Variants in WWC2 observed in about 807,000 individuals in gnomAD.
WWC2 encodes the protein WW and C2 domain containing 2, also known as protein WWC2.
A neutral mutation model predicts 138.5 loss-of-function variants in WWC2; 101 were observed. The observed-to-expected ratio is 0.73, with a 90% confidence interval of 0.62 to 0.86. The LOEUF is 0.86. Ranked by LOEUF, WWC2 falls within the 40% of genes least tolerant of loss-of-function variation. WWC2 has a pLI of 0.00. For synonymous variants in WWC2, 558 were observed against 538.4 expected (o/e 1.04, Z -0.50); for missense variants, 1,420 against 1,419.4 (o/e 1.00, Z -0.01).
At chr4:183,185,670 G>T (rs1031581928) in intron 1 of WWC2, among the ~76,000 whole-genome samples, 1 of 152,002 alleles carries the variant, frequency 6.6e-6, no homozygotes, top group African/African-American at 2.4e-5. Flanking sequence ...TAGTGTGAAG[G>T]GCTATGCGGC....
At chr4:183,250,642 A>G (rs976441056) in intron 8 of WWC2, among the ~76,000 whole-genome samples, 1 of 152,154 alleles carries the variant, frequency 6.6e-6, no homozygotes, top group South Asian at 2.1e-4. Flanking sequence ...TATCTAGTAG[A>G]TAGACTCAAA....
chr4:183,103,498 T>G (rs1329605807), intron 1 of WWC2, among the ~76,000 whole-genome samples: 2 of 151,828 alleles, frequency 1.3e-5, no homozygotes, highest in Non-Finnish European at 2.9e-5. Context: ...GGCTAATTTT[T>G]TGTATTTTTA....
intron 1 of WWC2, among the ~76,000 whole-genome samples, chr4:183,115,162 A>G (rs1732373554): frequency 6.6e-6 from 1 of 152,182 alleles, no homozygotes; most frequent in South Asian, 2.1e-4. Flanking sequence ...GCTTAGGATA[A>G]TGGCCTACAG....
At chr4:183,175,989 GAC>G (rs1734457439) in intron 1 of WWC2, among the ~76,000 whole-genome samples, 2 of 152,238 alleles carry the variant, frequency 1.3e-5, no homozygotes, top group Non-Finnish European at 1.5e-5. Context: ...TCAGCCTCAT[GAC>G]TTATGCTTGC....
intron 2 of WWC2, among the ~76,000 whole-genome samples, chr4:183,204,982 C>T (rs551573224): frequency 1.3e-5 from 2 of 152,284 alleles, no homozygotes; most frequent in South Asian, 4.2e-4. Flanking sequence ...TATGGATATA[C>T]CACAGTTTGC....
At chr4:183,125,484 A>G (rs963273326) in intron 1 of WWC2, among the ~76,000 whole-genome samples, 1 of 152,220 alleles carries the variant, frequency 6.6e-6, no homozygotes, top group African/African-American at 2.4e-5. Context: ...CTTCAATTAA[A>G]TGTTTGTTTG....
intron 1 of WWC2, 87 bp from the exon 2 acceptor site, chr4:183,193,512 C>T (rs1049873948): frequency 1.8e-6 from 2 of 1,142,542 alleles, no homozygotes; most frequent in Admixed American, 2.0e-5. Context: ...TAAATGCAAC[C>T]TAGACACTTG....
rs539048430 is a variant in WWC2, at chr4:183,319,899, A to T, written c.*4170A>T. On this transcript the variant is annotated 3_prime_UTR_variant, in exon 23 of 23. Coordinates refer to ENST00000403733, the MANE Select transcript of WWC2 (RefSeq NM_024949.6). ...CTTGAGATCTCTCTGACTCTCTCCAATTCTCAAACAGTCCAGGCCAAACCC... is the reference window on the plus strand; with the variant it reads ...CTTGAGATCTCTCTGACTCTCTCCATTTCTCAAACAGTCCAGGCCAAACCC... 4.3e-6 allele frequency: 7 copies of T among 1,613,900 alleles called. No individual in the cohort carries two copies. The highest frequency in any genetic ancestry group is 5.9e-6 in the Non-Finnish European group (7 of 1,179,866).
At chr4:183,254,155 A>G (rs1265206715) in intron 9 of WWC2, among the ~76,000 whole-genome samples, 156 bp downstream of exon 9, 1 of 152,216 alleles carries the variant, frequency 6.6e-6, no homozygotes, top group Non-Finnish European at 1.5e-5. Context: ...AAAGTGCACC[A>G]TCCTAATGCC....
intron 1 of WWC2, among the ~76,000 whole-genome samples, chr4:183,126,841 G>A (rs1732771146): frequency 6.6e-6 from 1 of 151,172 alleles, no homozygotes; most frequent in Non-Finnish European, 1.5e-5. Flanking sequence ...TGATCTTTCT[G>A]CCTCAGCCTC....
intron 14 of WWC2, among the ~76,000 whole-genome samples, 194 bp downstream of exon 14, chr4:183,266,145 C>T (rs999571793): frequency 2.0e-5 from 3 of 152,162 alleles, no homozygotes; most frequent in African/African-American, 7.2e-5. Context: ...AATTCTTACT[C>T]AACTGATTCT....
Position 183,319,710 on chromosome 4 carries a change from C to T in WWC2, c.*3981C>T, listed in dbSNP as rs1739571040. 2 of 1,614,074 alleles carry T rather than the reference C, an allele frequency of 1.2e-6. No individual in the cohort carries two copies. Among genetic ancestry groups the T allele is most frequent in the Non-Finnish European group, 1.7e-6 (2 of 1,180,022 alleles). ...TAGCAGAAGAGAAAGTCCAGCAAAC[C>T]AGCCCAGAAACAGGGCCTCCCCAAA... On this transcript the variant is annotated 3_prime_UTR_variant, in exon 23 of 23. Transcript: ENST00000403733.
chr4:183,171,560 T>C (rs1422050186), intron 1 of WWC2, among the ~76,000 whole-genome samples: 1 of 152,272 alleles, frequency 6.6e-6, no homozygotes, highest in East Asian at 1.9e-4. Context: ...TAGGGAAACT[T>C]TTCTGACTTT....
chr4:183,194,601 G>C (rs1735082918), intron 2 of WWC2, among the ~76,000 whole-genome samples: 1 of 152,118 alleles, frequency 6.6e-6, no homozygotes, highest in Admixed American at 6.5e-5. Context: ...CAGTATCACT[G>C]TAGCAAAGTG....
intron 1 of WWC2, among the ~76,000 whole-genome samples, chr4:183,117,259 C>A (rs1228761241): frequency 1.5e-5 from 2 of 133,180 alleles, no homozygotes; most frequent in African/African-American, 5.8e-5. Flanking sequence ...CTTGCTCTGT[C>A]CCCCAGGCTG....
chr4:183,193,945 T>A (rs1243223667), intron 2 of WWC2, among the ~76,000 whole-genome samples: 1 of 152,204 alleles, frequency 6.6e-6, no homozygotes, highest in Non-Finnish European at 1.5e-5. Context: ...CCTGCCTGCC[T>A]GCTGGGGAAT....
chr4:183,212,388 C>A (rs988625200), intron 4 of WWC2, among the ~76,000 whole-genome samples: 3 of 152,068 alleles, frequency 2.0e-5, no homozygotes, highest in South Asian at 2.1e-4. Flanking sequence ...TCTGTTCTTG[C>A]AATGGTTTGT....
chr4:183,260,644 G>T (rs1026082439), intron 10 of WWC2, among the ~76,000 whole-genome samples: 3 of 152,218 alleles, frequency 2.0e-5, no homozygotes, highest in African/African-American at 7.2e-5. Flanking sequence ...GCTTGGGTGT[G>T]CAGTAGGCTG....
intron 21 of WWC2, 68 bp downstream of exon 21, chr4:183,289,703 G>A (rs1580153680): frequency 1.9e-6 from 3 of 1,562,120 alleles, no homozygotes; most frequent in East Asian, 4.5e-5. Flanking sequence ...CATGTAGAAG[G>A]TACCCAACTT....
Sources: allele counts gnomAD v4.1 joint callset (sites outside exome capture counted in the v4.1 genomes callset), GRCh38; gene constraint gnomAD v4.1.1; transcripts MANE v1.5; gene names NCBI Gene and HGNC (gene_info 2026-07-23, HGNC 2026-07-21).